The following MCF2L2 variants were observed in gnomAD, a reference collection of about 807,000 sequenced individuals.
MCF2L2 encodes the protein MCF.2 cell line derived transforming sequence-like 2.
Under a neutral mutation model 150.2 loss-of-function variants are expected in MCF2L2, and 102 were observed. The ratio of observed to expected loss-of-function variants is 0.68; its 90% CI spans 0.58 to 0.80. MCF2L2 has a LOEUF of 0.80. Ranked by LOEUF, MCF2L2 falls within the 30% of genes least tolerant of loss-of-function variation. MCF2L2 has a pLI of 0.00. For missense variants in MCF2L2, 1,256 were observed against 1,372.8 expected, an observed-to-expected ratio of 0.91 and a Z score of 1.34; for synonymous variants, 465 against 491.3, an observed-to-expected ratio of 0.95 and a Z score of 0.71.
chr3:183,299,829 GC>G (rs1201895593), intron 11 of MCF2L2, 175 bp downstream of exon 11: 1 of 623,612 alleles, frequency 1.6e-6, no homozygotes, highest in Non-Finnish European at 2.6e-6. Context: ...TTACCTTCGT[GC>G]CAGGTATACT....
intron 14 of MCF2L2, among the ~76,000 whole-genome samples, chr3:183,279,920 T>C (rs1727377449): frequency 6.6e-6 from 1 of 152,010 alleles, no homozygotes; most frequent in African/African-American, 2.4e-5. Flanking sequence ...TCCCAGCTAC[T>C]CAGGAGGCTG....
At chr3:183,190,302 C>T (rs1007523228) in intron 27 of MCF2L2, among the ~76,000 whole-genome samples, 11 of 152,188 alleles carry the variant, frequency 7.2e-5, no homozygotes, top group South Asian at 4.1e-4. Flanking sequence ...ACTCTCAACA[C>T]GCCACTTAAC....
intron 2 of MCF2L2, among the ~76,000 whole-genome samples, chr3:183,380,999 G>C (rs983081468): frequency 3.3e-5 from 5 of 152,168 alleles, no homozygotes; most frequent in Non-Finnish European, 7.3e-5. Flanking sequence ...TGACATGTTA[G>C]TTATTGCTTT....
intron 5 of MCF2L2, among the ~76,000 whole-genome samples, chr3:183,329,441 C>T (rs1705411643): frequency 6.6e-6 from 1 of 152,226 alleles, no homozygotes; most frequent in African/African-American, 2.4e-5. Context: ...CCCACCTCAA[C>T]CTCCCAAAGT....
chr3:183,361,878 T>C (rs999316732), intron 3 of MCF2L2, among the ~76,000 whole-genome samples: 11 of 152,190 alleles, frequency 7.2e-5, no homozygotes, highest in Non-Finnish European at 8.8e-5. Flanking sequence ...ACTGTCCACA[T>C]GGGTGGCTGA....
At chr3:183,321,283 C>T (rs1442369587) in intron 6 of MCF2L2, among the ~76,000 whole-genome samples, 1 of 151,856 alleles carries the variant, frequency 6.6e-6, no homozygotes, top group African/African-American at 2.4e-5. Flanking sequence ...ACTAAAAATA[C>T]AAAAATTAGC....
chr3:183,371,229 A>G (rs59159308), intron 3 of MCF2L2, among the ~76,000 whole-genome samples: 48,218 of 152,108 alleles, frequency 0.32, 11,737 homozygotes, highest in African/African-American at 0.68. Context: ...TTATTTTGCC[A>G]TGGGTAAGGT....
At chr3:183,195,380 G>T (rs534442325) in intron 25 of MCF2L2, 125 bp from the exon 26 acceptor site, 1 of 637,000 alleles carries the variant, frequency 1.6e-6, no homozygotes, top group Non-Finnish European at 2.7e-6. Flanking sequence ...ATAAAGGTGT[G>T]TAGGTCTTGA....
intron 6 of MCF2L2, among the ~76,000 whole-genome samples, chr3:183,322,750 G>GTTC: frequency 6.6e-6 from 1 of 152,174 alleles, no homozygotes; most frequent in Non-Finnish European, 1.5e-5. Context: ...AGTGAGTATC[G>GTTC]TACCCAATAG....
intron 21 of MCF2L2, among the ~76,000 whole-genome samples, chr3:183,219,341 T>C (rs889613812): frequency 1.3e-5 from 2 of 152,234 alleles, no homozygotes; most frequent in African/African-American, 4.8e-5. Flanking sequence ...CTGGGTGCAG[T>C]GGCTCACGCC....
intron 22 of MCF2L2, among the ~76,000 whole-genome samples, chr3:183,214,726 C>A (rs994752790): frequency 1.3e-5 from 2 of 151,894 alleles, no homozygotes; most frequent in Admixed American, 1.3e-4. Context: ...ATGGCTCTCA[C>A]CTGTAATCCC....
chr3:183,403,387 G>A (rs1419561831), intron 1 of MCF2L2, among the ~76,000 whole-genome samples: 1 of 152,240 alleles, frequency 6.6e-6, no homozygotes, highest in African/African-American at 2.4e-5. Context: ...AAGAGAGAGT[G>A]AGATTGTATT....
intron 15 of MCF2L2, among the ~76,000 whole-genome samples, chr3:183,245,341 G>A (rs1483581070): frequency 6.6e-6 from 1 of 152,200 alleles, no homozygotes; most frequent in Non-Finnish European, 1.5e-5. Context: ...TATCCAGGAA[G>A]ACAGGAGTGC....
In MCF2L2 at chr3:183,197,950, T is replaced by C. The variant is rs899534710; in HGVS notation, c.2885-2695A>G. On this transcript the variant is annotated intron_variant, in intron 25 of 29. Transcript: ENST00000328913. This position sits in a 1 kb window ranked among gnomAD's most constrained non-coding sequence, Gnocchi z 4.5. ...ACAATACCAAGTATTGGTGAGGACA[T>C]GGCACAAGTGGAACTCTCATACATT... Among the ~76,000 whole-genome samples the C allele has an allele frequency of 1.3e-5, 2 of 152,188 alleles. No homozygotes were observed. Among genetic ancestry groups the C allele is most frequent in the Non-Finnish European group, 2.9e-5 (2 of 68,028 alleles).
chr3:183,363,969 A>G (rs1712367807), intron 3 of MCF2L2, among the ~76,000 whole-genome samples: 1 of 152,204 alleles, frequency 6.6e-6, no homozygotes, highest in African/African-American at 2.4e-5. Flanking sequence ...AAATGCTTGA[A>G]AATTTTAAAA....
rs756069404 is a variant in MCF2L2, at chr3:183,338,854, T to C, written c.432A>G (p.Thr144=). The change falls in exon 5 of 30, where the codon ACA becomes ACG. Residue 144 remains threonine (T), a synonymous_variant. Coordinates refer to ENST00000328913, the MANE Select transcript of MCF2L2 (RefSeq NM_015078.4). ...AGTATTTAATGCCAATGTCAGTGAA[T>C]GTCCTCTGGATAAAGCGAGATGGAC... ...ILRPSRFIQR[T]FTDIGIKYYR... 16 of 1,609,258 alleles carry C rather than the reference T, an allele frequency of 9.9e-6. No individual in the cohort carries two copies. The African/African-American group carries it at 2.1e-4, about 21-fold the overall frequency.
chr3:183,192,921 G>A lies in MCF2L2; in HGVS notation c.3016+78C>T, dbSNP rs375581952. The A allele has an allele frequency of 8.0e-5, 83 of 1,033,476 alleles. 2 individuals carry two copies. The highest frequency in any genetic ancestry group is 6.1e-4 in the East Asian group (25 of 41,076). The allele number at this position is 1,033,476 out of a possible 1,614,324, so 64.0% of individuals were successfully genotyped here. The stretch of plus-strand genomic sequence containing the variant: ...ACTAAAGAAGGGCTGGGCCCTAGGT[G>A]ATGTCTTCCTTAGCATCTAAGCAGC... On this transcript the variant is annotated intron_variant, in intron 27 of 29. Coordinates refer to ENST00000328913, the MANE Select transcript of MCF2L2 (RefSeq NM_015078.4).
rs200923017 is a variant in MCF2L2, at chr3:183,360,965, A to AAAG, written c.275+18329_275+18331dup. On this transcript the variant is annotated intron_variant, in intron 3 of 29. Transcript: ENST00000328913. ...CAAGAAGAGTGAAACTCAGAAAAGA[A>AAAG]AAGAAAAGAAAAGAAAAGAAAAGAA... Among the ~76,000 whole-genome samples the AAAG allele has an allele frequency of 4.8e-3, 218 of 45,838 alleles. 12 individuals are homozygous for AAAG. The highest frequency in any genetic ancestry group is 0.03 in the East Asian group (70 of 2,322). The allele number at this position is 45,838 out of a possible 152,430, so 30.1% of individuals were successfully genotyped here. A position where few individuals can be genotyped will look rare whatever the true frequency, so the allele number is the denominator to read the frequency against.
intron 1 of MCF2L2, among the ~76,000 whole-genome samples, chr3:183,401,978 T>C (rs141941855): frequency 1.3e-5 from 2 of 152,320 alleles, no homozygotes; most frequent in Non-Finnish European, 2.9e-5. Context: ...GGTAGGTGTA[T>C]ATTTAACTTA....
Sources: allele counts gnomAD v4.1 joint callset (sites outside exome capture counted in the v4.1 genomes callset), GRCh38; gene constraint gnomAD v4.1.1; non-coding constraint Gnocchi (gnomAD v3.1); transcripts MANE v1.5; gene names NCBI Gene and HGNC (gene_info 2026-07-23, HGNC 2026-07-21).